The following PDE4D variants were observed in gnomAD, a reference collection of about 807,000 sequenced individuals.
The protein encoded by PDE4D is 3',5'-cyclic-AMP phosphodiesterase 4D.
PDE4D carries 24 observed loss-of-function variants against 87.4 expected under a neutral mutation model. The observed-to-expected ratio is 0.27, with a 90% CI of 0.20 to 0.39. The LOEUF (loss-of-function observed/expected upper bound fraction) is 0.39. PDE4D is among the 10% of genes least tolerant of loss of function. The pLI is 1.00. For synonymous variants in PDE4D, 384 were observed against 383.2 expected (o/e 1.00, Z -0.02); for missense variants, 714 against 1,041.0 (o/e 0.69, Z 4.32).
chr5:59,037,762 C>T (rs894596438), intron 6 of PDE4D, among the ~76,000 whole-genome samples: 7 of 151,872 alleles, frequency 4.6e-5, no homozygotes, highest in Admixed American at 4.6e-4. Flanking sequence ...ATAAGACAAT[C>T]AAGTGGCTGT....
intron 1 of PDE4D, among the ~76,000 whole-genome samples, chr5:59,809,705 A>G (rs1196096085): frequency 6.6e-6 from 1 of 152,178 alleles, no homozygotes; most frequent in Non-Finnish European, 1.5e-5. Context: ...TTAGTCATTA[A>G]TCTATTGATG....
intron 1 of PDE4D, among the ~76,000 whole-genome samples, chr5:60,357,904 A>G (rs1449201588): frequency 6.6e-6 from 1 of 152,198 alleles, no homozygotes; most frequent in Non-Finnish European, 1.5e-5. Context: ...TCCACTTACC[A>G]CATATATGCA....
At chr5:60,317,220 G>A (rs577945718) in intron 1 of PDE4D, among the ~76,000 whole-genome samples, 1 of 152,304 alleles carries the variant, frequency 6.6e-6, no homozygotes, top group East Asian at 1.9e-4. Context: ...TCTTGGGAGG[G>A]TGTATTTGTC....
At chr5:60,168,439 C>A (rs1044834302) in intron 2 of PDE4D, among the ~76,000 whole-genome samples, 3 of 152,176 alleles carry the variant, frequency 2.0e-5, no homozygotes, top group African/African-American at 7.2e-5. Context: ...ACTGTAGGCT[C>A]CCCTCTCCCT....
At chr5:60,263,944 A>G (rs1423225291) in intron 1 of PDE4D, among the ~76,000 whole-genome samples, 1 of 152,046 alleles carries the variant, frequency 6.6e-6, no homozygotes, top group Non-Finnish European at 1.5e-5. Flanking sequence ...AAAAAATAAT[A>G]AACTAAAAAT....
intron 1 of PDE4D, among the ~76,000 whole-genome samples, chr5:59,332,999 A>G (rs947326271): frequency 2.0e-5 from 3 of 152,160 alleles, no homozygotes; most frequent in African/African-American, 7.2e-5. Flanking sequence ...ACCTACTTAA[A>G]AGTAATTCCT....
intron 1 of PDE4D, among the ~76,000 whole-genome samples, chr5:59,412,523 A>G (rs1253412689): frequency 1.3e-5 from 2 of 152,216 alleles, no homozygotes; most frequent in Admixed American, 6.5e-5. Flanking sequence ...ACGGCTCCCA[A>G]CAATCTGGCC....
intron 1 of PDE4D, among the ~76,000 whole-genome samples, chr5:59,286,838 A>G (rs1767051585): frequency 6.6e-6 from 1 of 152,158 alleles, no homozygotes; most frequent in African/African-American, 2.4e-5. Context: ...GAAAAAATGC[A>G]TTTTTACTTT....
At chr5:59,030,438 A>AAAAAAAAAC in intron 6 of PDE4D, among the ~76,000 whole-genome samples, 1 of 150,812 alleles carries the variant, frequency 6.6e-6, no homozygotes. Context: ...AAAAAAAAAA[A>AAAAAAAAAC]AAAAAAAACA....
At chr5:59,520,710 A>G (rs1413908332) in intron 1 of PDE4D, among the ~76,000 whole-genome samples, 1 of 152,190 alleles carries the variant, frequency 6.6e-6, no homozygotes, top group Non-Finnish European at 1.5e-5. Context: ...GGAAATCAGG[A>G]TTCGGAAAGG....
At chr5:60,150,058 C>G (rs1173480416) in intron 2 of PDE4D, among the ~76,000 whole-genome samples, 1 of 145,012 alleles carries the variant, frequency 6.9e-6, no homozygotes, top group Non-Finnish European at 1.5e-5. Context: ...ATTCTATATA[C>G]TAGTATATAT....
In PDE4D at chr5:59,694,108, C is replaced by A. The variant is rs180835210; in HGVS notation, c.455+199060G>T. ...ACAAAGTCTGTGACACAATTCTTCA[C>A]CCCTGTCCAATCCCAGCCTCCATTT... On this transcript the variant is annotated intron_variant, in intron 1 of 14. Coordinates refer to ENST00000340635, the MANE Select transcript of PDE4D (RefSeq NM_001104631.2). 6.7e-4 allele frequency among the ~76,000 whole-genome samples: 102 copies of A among 152,316 alleles called. 1 individual carries two copies. In the East Asian group the frequency reaches 0.013, roughly 20 times the overall value.
At chr5:59,566,824 T>C (rs2153693958) in intron 1 of PDE4D, among the ~76,000 whole-genome samples, 1 of 152,202 alleles carries the variant, frequency 6.6e-6, no homozygotes. Context: ...ATTTTGGCCA[T>C]TTTGTCTACC....
At chr5:59,879,725 T>C (rs2152744812) in intron 1 of PDE4D, among the ~76,000 whole-genome samples, 1 of 152,272 alleles carries the variant, frequency 6.6e-6, no homozygotes, top group East Asian at 1.9e-4. Context: ...CACTGCTATA[T>C]GTTATTGTTT....
At chr5:59,613,562 T>C (rs1829268813) in intron 1 of PDE4D, among the ~76,000 whole-genome samples, 1 of 152,042 alleles carries the variant, frequency 6.6e-6, no homozygotes, top group African/African-American at 2.4e-5. Context: ...TTTGGAAAGC[T>C]GAGGAGGATG....
intron 1 of PDE4D, among the ~76,000 whole-genome samples, chr5:59,362,119 C>T (rs1782318775): frequency 6.6e-6 from 1 of 152,080 alleles, no homozygotes; most frequent in South Asian, 2.1e-4. Context: ...AGAGCCATTG[C>T]AAAGAGTTTT....
At chr5:59,453,856 C>A (rs1799515377) in intron 1 of PDE4D, among the ~76,000 whole-genome samples, 1 of 152,184 alleles carries the variant, frequency 6.6e-6, no homozygotes, top group South Asian at 2.1e-4. Context: ...GTAGACAAAA[C>A]AAACTTTTAT....
chr5:59,510,882 C>A (rs977374237), intron 1 of PDE4D, among the ~76,000 whole-genome samples: 2 of 151,826 alleles, frequency 1.3e-5, no homozygotes, highest in Non-Finnish European at 2.9e-5. Flanking sequence ...CTACTTAAAC[C>A]GTTTTTTAAA....
At position 60,227,574 on chromosome 5, in the gene PDE4D, G is replaced by A. The variant is rs111521930; in HGVS notation, c.-89-41887C>T. Among the ~76,000 whole-genome samples, 6 of 142,096 alleles carry A rather than the reference G, an allele frequency of 4.2e-5. 1 individual carries two copies. Among genetic ancestry groups the A allele is most frequent in the African/African-American group, 1.6e-4 (6 of 38,532 alleles). 93.2% of individuals were successfully genotyped at this position (142,096 alleles called of 152,430 possible). A position where few individuals can be genotyped will look rare whatever the true frequency, so the allele number is the denominator to read the frequency against. On this transcript the variant is annotated intron_variant, in intron 1 of 16. Coordinates refer to the PDE4D transcript ENST00000502484. ...AGGGTAGAAGGGAGGGAAGGGAGGA[G>A]GAGAGGAAAGGAGGAAGGGGGAGAG...
Sources: allele counts gnomAD v4.1 joint callset (sites outside exome capture counted in the v4.1 genomes callset), GRCh38; gene constraint gnomAD v4.1.1; transcripts MANE v1.5; gene names NCBI Gene and HGNC (gene_info 2026-07-23, HGNC 2026-07-21).